The following COL4A2 variants were observed in gnomAD, a reference collection of about 807,000 sequenced individuals.
COL4A2 encodes collagen alpha-2(IV) chain.
A neutral mutation model predicts 200.2 loss-of-function variants in COL4A2; 99 were observed. That is an observed-to-expected ratio of 0.49 (90% CI 0.42 to 0.58). COL4A2 has a LOEUF of 0.58. Ranked by LOEUF, COL4A2 falls within the 20% of genes least tolerant of loss-of-function variation. The pLI, the probability that COL4A2 is intolerant of heterozygous loss-of-function variation, is 0.00. For synonymous variants in COL4A2, 897 were observed against 900.6 expected (o/e 1.00, Z 0.07); for missense variants, 1,950 against 2,314.1 (o/e 0.84, Z 3.23).
At chr13:110,388,894 C>T (rs1878876801) in intron 4 of COL4A2, among the ~76,000 whole-genome samples, 1 of 152,196 alleles carries the variant, frequency 6.6e-6, no homozygotes, top group South Asian at 2.1e-4. Flanking sequence ...TGTGTCTTTC[C>T]TTGGGCCCCT....
rs1391265722 is a variant in COL4A2 at position 110,508,212 on chromosome 13, C to G, written c.4872C>G (p.Ser1624=). The change falls in exon 47 of 48, where the codon TCC becomes TCG. Residue 1624 remains serine, a synonymous_variant. Coordinates refer to ENST00000360467, the MANE Select transcript of COL4A2 (RefSeq NM_001846.4). This position sits in a 1 kb window ranked among gnomAD's most constrained non-coding sequence, Gnocchi z 6.1. The part of the protein sequence containing the change: ...AGWRSLWIGY[S]FLMHTAAGDE... ...GGCGGAGTTTGTGGATCGGATATTC[C>G]TTCCTCATGGTATGTGGTATTTGCC... 4 of 1,613,926 alleles carry G rather than the reference C, an allele frequency of 2.5e-6. No individual in the cohort carries two copies. The highest frequency in any genetic ancestry group is 2.5e-6 in the Non-Finnish European group (3 of 1,179,866).
chr13:110,382,352 C>A (rs577480857), intron 4 of COL4A2, among the ~76,000 whole-genome samples: 188 of 152,300 alleles, frequency 1.2e-3, no homozygotes, highest in African/African-American at 4.5e-3. Context: ...ACAAGACTTG[C>A]AAGACTTGAA....
chr13:110,328,122 C>G (rs919327166), intron 3 of COL4A2, among the ~76,000 whole-genome samples: 1 of 152,162 alleles, frequency 6.6e-6, no homozygotes, highest in African/African-American at 2.4e-5. Context: ...AAAAGTTGAT[C>G]AGGAATATAA....
At position 110,480,278 on chromosome 13, in the gene COL4A2, G is replaced by A. The variant is rs1319212176; in HGVS notation, c.2646G>A (p.Met882Ile). 4 of 1,613,876 alleles carry A rather than the reference G, an allele frequency of 2.5e-6. No homozygotes were observed. The highest frequency in any genetic ancestry group is 3.3e-4 in the Middle Eastern group (2 of 6,048). Residue 882 changes from methionine (M) to isoleucine (I), a missense_variant, in exon 31 of 48, where the codon ATG (methionine) becomes ATA (isoleucine). This residue lies in a region of COL4A2 where 1,385 missense variants were observed against 1,720.5 expected (regional missense o/e 0.80). Coordinates refer to ENST00000360467, the MANE Select transcript of COL4A2 (RefSeq NM_001846.4). ...GDTGAPGPVG[M>I]KGLSGDRGDA... Reference sequence around the variant, plus strand: ...CAGGCGCTCCTGGCCCTGTGGGCATGAAAGGTCTCTCTGGTGACAGAGGAG... The same window carrying A: ...CAGGCGCTCCTGGCCCTGTGGGCATAAAAGGTCTCTCTGGTGACAGAGGAG...
chr13:110,397,849 A>G (rs1879234423), intron 4 of COL4A2, among the ~76,000 whole-genome samples: 2 of 152,198 alleles, frequency 1.3e-5, no homozygotes, highest in Admixed American at 6.5e-5. Flanking sequence ...AAGTTTATTT[A>G]TGTTATTTTG....
At chr13:110,385,620 A>G (rs61963194) in intron 4 of COL4A2, among the ~76,000 whole-genome samples, 265 of 632 alleles carry the variant, frequency 0.42, 105 homozygotes, top group East Asian at 0.88. Flanking sequence ...GGCCGTGGCT[A>G]CAGTGTGTGG....
At chr13:110,504,298 C>T (rs1883766290) in intron 45 of COL4A2, 34 bp downstream of exon 45, 1 of 1,541,410 alleles carries the variant, frequency 6.5e-7, no homozygotes, top group Non-Finnish European at 9.0e-7. Flanking sequence ...TTCCCAGGTC[C>T]TAGTGCTCTG....
At chr13:110,319,016 C>T (rs1263479343) in intron 3 of COL4A2, among the ~76,000 whole-genome samples, 1 of 151,994 alleles carries the variant, frequency 6.6e-6, no homozygotes, top group Non-Finnish European at 1.5e-5. Context: ...CTTGGTCATC[C>T]TTGAAGGGCC....
rs79316960 is a variant in COL4A2, at chr13:110,480,047, C to T, written c.2588-173C>T. 0.018 allele frequency among the ~76,000 whole-genome samples: 2,811 copies of T among 152,294 alleles called. 94 individuals carry two copies. Among genetic ancestry groups the T allele is most frequent in the African/African-American group, 0.064 (2,660 of 41,550 alleles). The stretch of plus-strand genomic sequence containing the variant: ...CAGATACAGACCTCTCCAGAAAGGC[C>T]AGCCCCAGGGTCCCGCTCCGGCCAC... On this transcript the variant is annotated intron_variant, in intron 30 of 47. Transcript: ENST00000360467.
intron 28 of COL4A2, among the ~76,000 whole-genome samples, chr13:110,472,710 G>A (rs978644335): frequency 1.3e-5 from 2 of 152,134 alleles, no homozygotes; most frequent in African/African-American, 2.4e-5. Flanking sequence ...GGGCTGGGGG[G>A]CCGAATGGCG....
chr13:110,440,764 C>T (rs948561348), intron 16 of COL4A2, among the ~76,000 whole-genome samples: 3 of 152,214 alleles, frequency 2.0e-5, no homozygotes, highest in African/African-American at 4.8e-5. Context: ...ACACAGCACA[C>T]GCCTCCTACG....
intron 32 of COL4A2, among the ~76,000 whole-genome samples, chr13:110,483,093 CAT>C (rs1882990151): frequency 1.3e-5 from 2 of 152,188 alleles, no homozygotes; most frequent in South Asian, 4.1e-4. Flanking sequence ...GTGGTCCACA[CAT>C]GAGGTGGGTT....
At chr13:110,502,132 T>C (rs763854993) in intron 41 of COL4A2, among the ~76,000 whole-genome samples, 10 of 152,196 alleles carry the variant, frequency 6.6e-5, no homozygotes, top group Non-Finnish European at 1.3e-4. Flanking sequence ...ACGAGCTGAA[T>C]ATTGGAAAGA....
intron 4 of COL4A2, among the ~76,000 whole-genome samples, chr13:110,406,980 T>C (rs1879597117): frequency 6.6e-6 from 1 of 152,150 alleles, no homozygotes; most frequent in Non-Finnish European, 1.5e-5. Flanking sequence ...CTGGGGCTCA[T>C]CCTGCAAGAG....
At chr13:110,344,642 C>T (rs1482144895) in intron 3 of COL4A2, among the ~76,000 whole-genome samples, 3 of 152,138 alleles carry the variant, frequency 2.0e-5, no homozygotes, top group South Asian at 4.1e-4. Flanking sequence ...GAACTCTATA[C>T]GAGACCCCAG....
At chr13:110,463,835 C>A (rs1882127225) in intron 24 of COL4A2, among the ~76,000 whole-genome samples, 1 of 152,162 alleles carries the variant, frequency 6.6e-6, no homozygotes, top group African/African-American at 2.4e-5. Flanking sequence ...CACACCCGGC[C>A]CACATTTTTA....
intron 18 of COL4A2, among the ~76,000 whole-genome samples, 153 bp downstream of exon 18, chr13:110,447,017 A>T (rs185467336): frequency 7.9e-5 from 12 of 152,324 alleles, no homozygotes; most frequent in Admixed American, 5.2e-4. Context: ...TAAACCACGA[A>T]ATTTAGAACA....
chr13:110,459,069 A>T (rs1375477463), intron 22 of COL4A2, 135 bp downstream of exon 22: 8 of 901,338 alleles, frequency 8.9e-6, no homozygotes, highest in Non-Finnish European at 1.3e-5. Context: ...TGGCTAAACC[A>T]TTCTAAAAAC....
chr13:110,387,428 C>T (rs955597864), intron 4 of COL4A2, among the ~76,000 whole-genome samples: 26 of 152,202 alleles, frequency 1.7e-4, no homozygotes, highest in African/African-American at 6.0e-4. Flanking sequence ...ACATCACGGG[C>T]GCTTCCATGT....
Sources: allele counts gnomAD v4.1 joint callset (sites outside exome capture counted in the v4.1 genomes callset), GRCh38; gene constraint gnomAD v4.1.1; regional missense constraint gnomAD v4.1.1; non-coding constraint Gnocchi (gnomAD v3.1); transcripts MANE v1.5; gene names NCBI Gene and HGNC (gene_info 2026-07-23, HGNC 2026-07-21).